The following IFT57 variants were observed in gnomAD, a reference collection of about 807,000 sequenced individuals.
IFT57 encodes intraflagellar transport 57, also known as intraflagellar transport protein 57 homolog.
In IFT57, 59 loss-of-function variants were observed where a neutral mutation model predicts 56.8. The observed-to-expected ratio is 1.04, with a 90% confidence interval of 0.84 to 1.29. The LOEUF (loss-of-function observed/expected upper bound fraction) is 1.29, where lower values mean the gene tolerates loss of function less well. IFT57 is among the 50% of genes most tolerant of loss of function. IFT57 has a pLI of 0.00. For missense variants in IFT57, 470 were observed against 522.1 expected, an observed-to-expected ratio of 0.90 and a Z score of 0.97; for synonymous variants, 209 against 186.1, an observed-to-expected ratio of 1.12 and a Z score of -1.00.
chr3:108,215,398 CA>C (rs1041385781), intron 3 of IFT57, among the ~76,000 whole-genome samples: 2 of 150,834 alleles, frequency 1.3e-5, no homozygotes, highest in South Asian at 2.1e-4. Context: ...CCTGTCTTGA[CA>C]AAAAAAATAA....
At chr3:108,173,335 C>T (rs1315561289) in intron 6 of IFT57, among the ~76,000 whole-genome samples, 2 of 151,690 alleles carry the variant, frequency 1.3e-5, no homozygotes, top group East Asian at 1.9e-4. Flanking sequence ...AGCAGAGGAG[C>T]ACACAGCTAA....
At chr3:108,217,711 C>A (rs1289764) in intron 3 of IFT57, among the ~76,000 whole-genome samples, 130,940 of 150,250 alleles carry the variant, frequency 0.87, 58,142 homozygotes, top group Non-Finnish European at 0.97. Flanking sequence ...ATCTTTCTAC[C>A]GAAGTTAGTT....
chr3:108,172,114 G>A lies in IFT57; in HGVS notation c.778-4250C>T, dbSNP rs192363031. Among the ~76,000 whole-genome samples the A allele has an allele frequency of 2.0e-5, 3 of 151,940 alleles. No homozygotes were observed. In the East Asian group the frequency reaches 5.8e-4, roughly 29 times the overall value. ...AAGCAACCATGCCTGACTCATTTAG[G>A]TATAACTACGATAGTGTACACTGAT... is the stretch of plus-strand genomic sequence containing the variant. On this transcript the variant is annotated intron_variant, in intron 6 of 10. Coordinates refer to ENST00000264538, the MANE Select transcript of IFT57 (RefSeq NM_018010.4).
Position 108,161,356 on chromosome 3 carries a change from G to C in IFT57, c.*1121C>G, listed in dbSNP as rs1197550208. ...TAAAGAGAGGTCTAGTAAGGAAAGG[G>C]AAAGATCTGTGTATGTGAGCATGTT... On this transcript the variant is annotated 3_prime_UTR_variant, in exon 11 of 11. Transcript: ENST00000264538. The C allele has an allele frequency of 6.6e-6, 1 of 151,838 alleles. No homozygotes were observed. The highest frequency in any genetic ancestry group is 1.5e-5 in the Non-Finnish European group (1 of 67,960). 9.4% of individuals were successfully genotyped at this position (151,838 alleles called of 1,614,324 possible).
At chr3:108,198,990 A>G (rs2080261789) in intron 5 of IFT57, among the ~76,000 whole-genome samples, 1 of 152,036 alleles carries the variant, frequency 6.6e-6, no homozygotes, top group Non-Finnish European at 1.5e-5. Context: ...GTATATTTTC[A>G]GACTTATAAA....
At chr3:108,194,654 G>A (rs952591787) in intron 5 of IFT57, among the ~76,000 whole-genome samples, 2 of 152,008 alleles carry the variant, frequency 1.3e-5, no homozygotes, top group African/African-American at 2.4e-5. Flanking sequence ...AAAGACCAAT[G>A]GAAAAGAATA....
Position 108,213,970 on chromosome 3 carries a change from A to G in IFT57, c.546T>C (p.Asp182=). The G allele has an allele frequency of 1.2e-6, 2 of 1,610,518 alleles. No individual in the cohort carries two copies. The highest frequency in any genetic ancestry group is 1.7e-6 in the Non-Finnish European group (2 of 1,177,022). The stretch of plus-strand genomic sequence containing the variant: ...CCACTTTATTTAATGTTAATTCTGC[A>G]TCATCTTCTGCAACGCTTTCTTCTT... ...ELEEESVAED[D]AELTLNKVDE... The change falls in exon 4 of 11, where the codon GAT becomes GAC. Residue 182 remains aspartate (D), a synonymous_variant. Coordinates refer to ENST00000264538, the MANE Select transcript of IFT57 (RefSeq NM_018010.4).
intron 3 of IFT57, among the ~76,000 whole-genome samples, chr3:108,214,273 C>T (rs181615308): frequency 2.0e-4 from 31 of 152,238 alleles, no homozygotes; most frequent in Admixed American, 7.2e-4. Context: ...CTCACTAATA[C>T]ACCATATTTA....
chr3:108,165,440 G>A lies in IFT57; in HGVS notation c.1035C>T (p.Leu345=). 3 of 1,612,474 alleles carry A rather than the reference G, an allele frequency of 1.9e-6. No individual in the cohort carries two copies. Among genetic ancestry groups the A allele is most frequent in the African/African-American group, 1.3e-5 (1 of 74,942 alleles). Residue 345 remains leucine, a synonymous_variant, in exon 9 of 11, where the codon CTC becomes CTT. Coordinates refer to ENST00000264538, the MANE Select transcript of IFT57 (RefSeq NM_018010.4). ...GAGCATCAGTGTGTACCTCAGAGAG[G>A]AGTCTGGTTCTTTCCGTCACTCCTC... is the stretch of plus-strand genomic sequence containing the variant. ...GNGGVTERTR[L]LSEVMEELEK...
At chr3:108,193,154 A>G (rs1389376600) in intron 5 of IFT57, among the ~76,000 whole-genome samples, 1 of 152,218 alleles carries the variant, frequency 6.6e-6, no homozygotes, top group Non-Finnish European at 1.5e-5. Flanking sequence ...CACATTTCTT[A>G]AATGAAAGCT....
At chr3:108,163,956 A>C (rs1246491116) in intron 9 of IFT57, among the ~76,000 whole-genome samples, 2 of 152,034 alleles carry the variant, frequency 1.3e-5, no homozygotes, top group South Asian at 2.1e-4. Flanking sequence ...TGGCTGTCAC[A>C]TCTGTTTTCT....
chr3:108,167,040 A>C lies in IFT57; in HGVS notation c.850-55T>G, dbSNP rs540366720. 679 of 1,481,638 alleles carry C rather than the reference A, an allele frequency of 4.6e-4. 1 individual carries two copies. Among genetic ancestry groups the C allele is most frequent in the Non-Finnish European group, 6.0e-4 (646 of 1,082,500 alleles). The allele number at this position is 1,481,638 out of a possible 1,614,324, so 91.8% of individuals were successfully genotyped here. ...AGAACTCACAAACATATTTTTTCAA[A>C]AATATTAAAAATGGGTTACATCTCA... On this transcript the variant is annotated intron_variant, in intron 7 of 10. Coordinates refer to ENST00000264538, the MANE Select transcript of IFT57 (RefSeq NM_018010.4).
rs774757325 is a variant in IFT57 at position 108,162,442 on chromosome 3, A to G, written c.*35T>C. 3.3e-6 allele frequency: 5 copies of G among 1,530,428 alleles called. No individual in the cohort carries two copies. The highest frequency in any genetic ancestry group is 4.1e-5 in the Admixed American group (2 of 48,398). 94.8% of individuals were successfully genotyped at this position (1,530,428 alleles called of 1,614,324 possible). A position where few individuals can be genotyped will look rare whatever the true frequency, so the allele number is the denominator to read the frequency against. On this transcript the variant is annotated 3_prime_UTR_variant, in exon 11 of 11. Coordinates refer to ENST00000264538, the MANE Select transcript of IFT57 (RefSeq NM_018010.4). ...CATGAAATATAGTTTGATATAAAAA[A>G]CCCAACTAATCAGAAACATGAAAAC...
intron 6 of IFT57, among the ~76,000 whole-genome samples, chr3:108,190,485 C>G (rs2080209463): frequency 6.6e-6 from 1 of 152,200 alleles, no homozygotes; most frequent in Non-Finnish European, 1.5e-5. Flanking sequence ...TCTGGCATTT[C>G]TCCTGCTCAC....
intron 6 of IFT57, among the ~76,000 whole-genome samples, chr3:108,175,454 C>T (rs112774307): frequency 5.9e-5 from 9 of 151,948 alleles, no homozygotes; most frequent in Non-Finnish European, 1.2e-4. Context: ...TATTATCTAT[C>T]TCCCTTCTTC....
intron 9 of IFT57, 121 bp downstream of exon 9, chr3:108,165,310 A>C (rs1014179713): frequency 4.1e-6 from 3 of 723,352 alleles, no homozygotes; most frequent in African/African-American, 3.5e-5. Context: ...TTATCTCCTA[A>C]AGAAAATGAT....
At chr3:108,180,862 T>A (rs1048752745) in intron 6 of IFT57, among the ~76,000 whole-genome samples, 1 of 152,062 alleles carries the variant, frequency 6.6e-6, no homozygotes, top group African/African-American at 2.4e-5. Flanking sequence ...TTCTTTGCAA[T>A]CATAAAATAT....
chr3:108,173,028 G>T (rs751679836), intron 6 of IFT57, among the ~76,000 whole-genome samples: 1 of 151,722 alleles, frequency 6.6e-6, no homozygotes, highest in African/African-American at 2.4e-5. Flanking sequence ...CTAACTTCTA[G>T]AAATTATTCT....
chr3:108,180,354 C>T (rs1172846003), intron 6 of IFT57, among the ~76,000 whole-genome samples: 3 of 151,864 alleles, frequency 2.0e-5, no homozygotes, highest in African/African-American at 7.2e-5. Context: ...AGAGATTTGG[C>T]AAGTCAGACA....
Sources: gnomAD v4.1 joint callset for allele counts (sites outside exome capture counted in the v4.1 genomes callset) on GRCh38, gnomAD v4.1.1 for gene constraint, MANE v1.5 for transcripts, NCBI Gene and HGNC (gene_info 2026-07-23, HGNC 2026-07-21) for gene names.